The following PMP22 variants were observed in gnomAD, a reference collection of about 807,000 sequenced individuals.
The protein encoded by PMP22 is Charcot-Marie-Tooth neuropathy 1A (greatly reduced nerve conduction velocity, hereditary motor sensory neuropathy Ia).
A neutral mutation model predicts 18.9 loss-of-function variants in PMP22; 2 were observed. The observed-to-expected ratio is 0.11, with a 90% CI of 0.04 to 0.33. PMP22 has a LOEUF of 0.33. Among genes scored for constraint, PMP22 ranks in the 10% least tolerant of loss-of-function variants. The pLI is 1.00. For synonymous variants in PMP22, 95 were observed against 89.2 expected, an observed-to-expected ratio of 1.07 and a Z score of -0.37; for missense variants, 169 against 202.2, an observed-to-expected ratio of 0.84 and a Z score of 1.00.
In PMP22 at chr17:15,260,954, G is replaced by A; in HGVS notation, c.-34-193C>T. 2 of 358,016 alleles carry A rather than the reference G, an allele frequency of 5.6e-6. 1 individual carries two copies. The highest frequency in any genetic ancestry group is 1.0e-4 in the East Asian group (2 of 20,042). 22.2% of individuals were successfully genotyped at this position (358,016 alleles called of 1,614,324 possible). On this transcript the variant is annotated intron_variant, in intron 1 of 4. Transcript: ENST00000312280. ...GGCAGCAGCCGCCTGCAGGACCAGC[G>A]CCCAGTGCCCAGCGCCCAGCCGGGC...
chr17:15,237,414 C>T lies in PMP22; in HGVS notation c.319+2057G>A, dbSNP rs531426506. Among the ~76,000 whole-genome samples the T allele has an allele frequency of 4.1e-4, 63 of 152,344 alleles. 1 individual carries two copies. Among genetic ancestry groups the T allele is most frequent in the African/African-American group, 1.5e-3 (62 of 41,580 alleles). Reference sequence around the variant, plus strand: ...TGGCTATCCCAAGGAGCCCATTCAACAGCAGCTTACCTCTTCTCAGCTCCA... The same window carrying T: ...TGGCTATCCCAAGGAGCCCATTCAATAGCAGCTTACCTCTTCTCAGCTCCA... On this transcript the variant is annotated intron_variant, in intron 4 of 4. Coordinates refer to ENST00000312280, the MANE Select transcript of PMP22 (RefSeq NM_000304.4).
chr17:15,264,087 C>T (rs1909547050), intron 1 of PMP22, among the ~76,000 whole-genome samples: 1 of 152,176 alleles, frequency 6.6e-6, no homozygotes. Context: ...AACATCGTGT[C>T]TGCAACATAA....
At chr17:15,231,141 C>T (rs1181532828) in intron 4 of PMP22, 61 bp from the exon 5 acceptor site, 38 of 1,524,650 alleles carry the variant, frequency 2.5e-5, no homozygotes, top group South Asian at 1.7e-4. Context: ...GCCCCCTCTC[C>T]GCCACCCCGG....
At chr17:15,256,044 A>T (rs577411639) in intron 3 of PMP22, among the ~76,000 whole-genome samples, 13 of 152,360 alleles carry the variant, frequency 8.5e-5, no homozygotes, top group South Asian at 8.3e-4. Flanking sequence ...AGCCTCTCTT[A>T]CCTCTGCCCA....
chr17:15,239,060 A>G (rs557162728), intron 4 of PMP22, among the ~76,000 whole-genome samples: 1 of 152,228 alleles, frequency 6.6e-6, no homozygotes, highest in Non-Finnish European at 1.5e-5. Flanking sequence ...AGTTCTTAGC[A>G]CATCAGGGCC....
intron 4 of PMP22, among the ~76,000 whole-genome samples, chr17:15,233,383 C>T (rs969615777): frequency 1.3e-5 from 2 of 152,250 alleles, no homozygotes; most frequent in African/African-American, 4.8e-5. Context: ...ATGTGCTGAG[C>T]ATTCAACTTA....
At chr17:15,243,752 T>C (rs1285852947) in intron 3 of PMP22, among the ~76,000 whole-genome samples, 1 of 147,880 alleles carries the variant, frequency 6.8e-6, no homozygotes, top group Non-Finnish European at 1.5e-5. Flanking sequence ...ATTATAGAAG[T>C]ATATATGTTC....
intron 4 of PMP22, among the ~76,000 whole-genome samples, chr17:15,235,968 C>T (rs1244943933): frequency 2.0e-5 from 3 of 151,874 alleles, no homozygotes; most frequent in South Asian, 2.1e-4. Flanking sequence ...CCATGTTGGC[C>T]GGGCTGGTCT....
chr17:15,242,404 T>TA (rs1410682343), intron 3 of PMP22, among the ~76,000 whole-genome samples: 5 of 151,514 alleles, frequency 3.3e-5, no homozygotes, highest in East Asian at 1.9e-4. Flanking sequence ...AAATTAATAA[T>TA]AAAAAATAGA....
intron 1 of PMP22, 179 bp from the exon 2 acceptor site, chr17:15,260,940 C>T (rs1029452238): frequency 3.9e-5 from 15 of 385,952 alleles, no homozygotes; most frequent in African/African-American, 2.8e-4. Flanking sequence ...GCAGCAGCCG[C>T]CTGCAGGACC....
chr17:15,241,459 T>C (rs1377533297), intron 3 of PMP22, among the ~76,000 whole-genome samples: 31 of 152,226 alleles, frequency 2.0e-4, no homozygotes. Flanking sequence ...CTGGGAAATG[T>C]CCTTCCATGT....
Position 15,258,191 on chromosome 17 carries a change from G to A in PMP22, c.178+903C>T, listed in dbSNP as rs150790107. Among the ~76,000 whole-genome samples, 74 of 152,282 alleles carry A rather than the reference G, an allele frequency of 4.9e-4. No individual in the cohort carries two copies. Among genetic ancestry groups the A allele is most frequent in the African/African-American group, 1.5e-3 (64 of 41,552 alleles). The stretch of plus-strand genomic sequence containing the variant: ...CCCAGGATGTTAGGAAAGCTCTGCT[G>A]TATCTCTAGGTCCTTCCAGCCTGAG... On this transcript the variant is annotated intron_variant, in intron 3 of 4. Coordinates refer to ENST00000312280, the MANE Select transcript of PMP22 (RefSeq NM_000304.4). The surrounding 1 kb of genome is among the most constrained non-coding windows in gnomAD (Gnocchi z 4.1).
intron 1 of PMP22, among the ~76,000 whole-genome samples, chr17:15,264,240 A>AGATT (rs1279012246): frequency 7.3e-5 from 7 of 95,778 alleles, no homozygotes; most frequent in Non-Finnish European, 1.5e-4. Flanking sequence ...GTAGATAGAT[A>AGATT]GATAGATAGA....
At chr17:15,263,603 A>ACACACT (rs1909516847) in intron 1 of PMP22, among the ~76,000 whole-genome samples, 1 of 151,036 alleles carries the variant, frequency 6.6e-6, no homozygotes, top group South Asian at 2.1e-4. Flanking sequence ...ACACACACAC[A>ACACACT]CTTCCCTACC....
chr17:15,255,502 A>G (rs1333038570), intron 3 of PMP22, among the ~76,000 whole-genome samples: 2 of 151,522 alleles, frequency 1.3e-5, no homozygotes, highest in African/African-American at 4.8e-5. Flanking sequence ...AATGAGCTAG[A>G]AAGTGTCTGC....
intron 4 of PMP22, among the ~76,000 whole-genome samples, chr17:15,232,152 C>T (rs1472036188): frequency 6.6e-6 from 1 of 151,984 alleles, no homozygotes; most frequent in African/African-American, 2.4e-5. Context: ...CGGCCACCTA[C>T]ATCTAACCTC....
chr17:15,245,171 G>A (rs564834472), intron 3 of PMP22, among the ~76,000 whole-genome samples: 58 of 152,294 alleles, frequency 3.8e-4, no homozygotes, highest in Admixed American at 1.2e-3. Context: ...AGATTCAAGA[G>A]CTCTCGTTGT....
chr17:15,252,357 A>C (rs141753938), intron 3 of PMP22, among the ~76,000 whole-genome samples: 1 of 152,304 alleles, frequency 6.6e-6, no homozygotes, highest in African/African-American at 2.4e-5. Flanking sequence ...GCATTGATCT[A>C]ATTCCTCACA....
chr17:15,235,249 A>G (rs1021221314), intron 4 of PMP22: 2 of 717,540 alleles, frequency 2.8e-6, no homozygotes, highest in African/African-American at 3.5e-5. Context: ...TTCTGTTCTT[A>G]ATCCCGGTAA....
Sources: gnomAD v4.1 joint callset for allele counts (sites outside exome capture counted in the v4.1 genomes callset) on GRCh38, gnomAD v4.1.1 for gene constraint, Gnocchi (gnomAD v3.1) non-coding constraint, MANE v1.5 for transcripts, NCBI Gene and HGNC (gene_info 2026-07-23, HGNC 2026-07-21) for gene names.